Variants in TG observed in about 807,000 individuals in gnomAD.
The protein encoded by TG is thyroid hormones.
Under a neutral mutation model 324.7 loss-of-function variants are expected in TG, and 270 were observed. The observed-to-expected ratio is 0.83, with a 90% CI of 0.75 to 0.92. The LOEUF is 0.92. Ranked by LOEUF, TG falls within the 40% of genes least tolerant of loss-of-function variation. TG has a pLI of 0.00. For synonymous variants in TG, 1,401 were observed against 1,327.0 expected (o/e 1.06, Z -1.21); for missense variants, 3,591 against 3,456.4 (o/e 1.04, Z -0.98).
At position 132,992,181 on chromosome 8, in the gene TG, G is replaced by T. The variant is rs888981315; in HGVS notation, c.6262+8769G>T. Among the ~76,000 whole-genome samples, 3 of 152,170 alleles carry T rather than the reference G, an allele frequency of 2.0e-5. No homozygotes were observed. In the East Asian group the frequency reaches 5.8e-4, roughly 29 times the overall value. ...AGGCACTAAGCACTGGGGTACGGCT[G>T]TAAATGAGCAACATGAGTGTGTCAG... On this transcript the variant is annotated intron_variant, in intron 35 of 47. Coordinates refer to ENST00000220616, the MANE Select transcript of TG (RefSeq NM_003235.5).
chr8:133,027,482 G>T (rs1836208426), intron 40 of TG, among the ~76,000 whole-genome samples: 1 of 152,104 alleles, frequency 6.6e-6, no homozygotes, highest in Non-Finnish European at 1.5e-5. Context: ...GCCTGAGGAT[G>T]AGAAGAACTG....
chr8:132,967,037 CCCATCCATCCAT>C (rs57588311), intron 30 of TG, among the ~76,000 whole-genome samples: 3 of 145,972 alleles, frequency 2.1e-5, no homozygotes, highest in Non-Finnish European at 3.0e-5. Context: ...ATCCCATCCA[CCCATCCATCCAT>C]CCATCCATCC....
At chr8:132,904,284 C>T (rs1348591691) in intron 16 of TG, among the ~76,000 whole-genome samples, 4 of 152,180 alleles carry the variant, frequency 2.6e-5, no homozygotes, top group Admixed American at 6.5e-5. Flanking sequence ...CAGGTGTGAG[C>T]GAGCAGGTCT....
At position 132,869,844 on chromosome 8, in the gene TG, A is replaced by G. The variant is rs780274735; in HGVS notation, c.274+18A>G. ...TGTGGCTTGTAAGTGGGAGTGGGGG[A>G]CGTCCCTTGGAGGGACCCTGCTAGG... is the stretch of plus-strand genomic sequence containing the variant. On this transcript the variant is annotated intron_variant, in intron 3 of 47. Coordinates refer to ENST00000220616, the MANE Select transcript of TG (RefSeq NM_003235.5). The G allele has an allele frequency of 6.2e-7, 1 of 1,610,952 alleles. No homozygotes were observed. Among genetic ancestry groups the G allele is most frequent in the Non-Finnish European group, 8.5e-7 (1 of 1,177,888 alleles).
In TG at chr8:132,893,801, T is replaced by C; in HGVS notation, c.2873T>C (p.Leu958Pro). The C allele has an allele frequency of 2.5e-6, 4 of 1,613,998 alleles. No homozygotes were observed. Among genetic ancestry groups the C allele is most frequent in the Non-Finnish European group, 3.4e-6 (4 of 1,179,934 alleles). Reference sequence around the variant, plus strand: ...CGGTTCCCTCTGGGGGAGAGTTTCCTGGTGGCCAAGGGAATCCGGCTGAGG... The same window carrying C: ...CGGTTCCCTCTGGGGGAGAGTTTCCCGGTGGCCAAGGGAATCCGGCTGAGG... ...SSRFPLGESF[L>P]VAKGIRLRNE... The change falls in exon 11 of 48, where the codon CTG (leucine) becomes CCG (proline). Residue 958 changes from leucine (L) to proline (P), a missense_variant. Leu to Pro is a moderately conservative substitution (Grantham distance 98, BLOSUM62 -3). Coordinates refer to ENST00000220616, the MANE Select transcript of TG (RefSeq NM_003235.5).
chr8:132,917,245 G>A (rs1820468079), intron 20 of TG, among the ~76,000 whole-genome samples: 6 of 152,060 alleles, frequency 3.9e-5, no homozygotes, highest in Admixed American at 3.9e-4. Flanking sequence ...AGACCATCCT[G>A]TGAAGAAGCC....
rs754076397 is a variant in TG at position 133,049,919 on chromosome 8, C to T, written c.7239+19896C>T. The T allele has an allele frequency of 3.1e-6, 5 of 1,611,298 alleles. No homozygotes were observed. In the East Asian group the frequency reaches 1.1e-4, roughly 36 times the overall value. On this transcript the variant is annotated intron_variant, in intron 41 of 47. Transcript: ENST00000220616. ...GTACTCACCCATGGTAAACTCTGGCCACACATATTCCAGGGATGTAACTCT... is the reference window on the plus strand; with the variant it reads ...GTACTCACCCATGGTAAACTCTGGCTACACATATTCCAGGGATGTAACTCT...
chr8:132,969,842 A>C (rs13254863), intron 32 of TG, among the ~76,000 whole-genome samples: 40,473 of 141,424 alleles, frequency 0.29, 5,675 homozygotes, highest in Middle Eastern at 0.36. Flanking sequence ...TGAACTCAGG[A>C]GGTGGAGGTT....
intron 10 of TG, among the ~76,000 whole-genome samples, chr8:132,892,089 A>C (rs1209648593): frequency 6.6e-6 from 1 of 152,222 alleles, no homozygotes; most frequent in East Asian, 1.9e-4. Flanking sequence ...TAAGTGCATT[A>C]TCCCTGGTCG....
intron 41 of TG, among the ~76,000 whole-genome samples, chr8:133,065,805 A>T (rs780764654): frequency 1.3e-5 from 2 of 152,078 alleles, no homozygotes; most frequent in Non-Finnish European, 2.9e-5. Context: ...ATAAAAAAGT[A>T]AAATAAAAGT....
At chr8:132,895,806 C>T (rs148610086) in intron 11 of TG, among the ~76,000 whole-genome samples, 12 of 152,262 alleles carry the variant, frequency 7.9e-5, no homozygotes, top group South Asian at 2.1e-4. Flanking sequence ...AGGGAAATGT[C>T]GAGAAAGGGG....
At chr8:133,079,873 T>A (rs1845481711) in intron 41 of TG, among the ~76,000 whole-genome samples, 2 of 151,956 alleles carry the variant, frequency 1.3e-5, no homozygotes, top group African/African-American at 4.8e-5. Flanking sequence ...GATTCCCATA[T>A]CAAACCATAT....
intron 41 of TG, chr8:133,063,871 G>C (rs1006341070): frequency 6.6e-6 from 1 of 152,270 alleles, no homozygotes; most frequent in Non-Finnish European, 1.5e-5. Flanking sequence ...CAGAGAATGA[G>C]AGCTGGAGTC....
At chr8:132,935,675 A>G (rs939603884) in intron 24 of TG, 81 bp from the exon 25 acceptor site, 14 of 1,291,410 alleles carry the variant, frequency 1.1e-5, no homozygotes, top group South Asian at 7.4e-5. Context: ...GTGCCTAGCC[A>G]TGGTTAGGGT....
chr8:132,898,618 C>T (rs1422287261), intron 13 of TG, among the ~76,000 whole-genome samples, 180 bp from the exon 14 acceptor site: 1 of 152,250 alleles, frequency 6.6e-6, no homozygotes, highest in Non-Finnish European at 1.5e-5. Flanking sequence ...CCACAGTCCA[C>T]TTGACATCTC....
chr8:133,001,774 G>A, intron 35 of TG: 2 of 985,440 alleles, frequency 2.0e-6, no homozygotes, highest in Non-Finnish European at 2.4e-6. Flanking sequence ...TTATCACAGG[G>A]ATCATGAAGG....
In TG at chr8:132,972,576, G is replaced by T. The variant is rs1554541; in HGVS notation, c.6056-22G>T. ...CTCAGTTTCCTGATTGTGGTTTTTTGTTTTTTTTTTTTCCACCCCAGGAGG... is the reference window on the plus strand; with the variant it reads ...CTCAGTTTCCTGATTGTGGTTTTTTTTTTTTTTTTTTTCCACCCCAGGAGG... On this transcript the variant is annotated intron_variant, in intron 33 of 47. Coordinates refer to ENST00000220616, the MANE Select transcript of TG (RefSeq NM_003235.5). 0.56 allele frequency: 814,841 copies of T among 1,446,648 alleles called. 212,959 individuals carry two copies. The highest frequency in any genetic ancestry group is 0.69 in the African/African-American group (46,506 of 67,124). The allele number at this position is 1,446,648 out of a possible 1,614,324, so 89.6% of individuals were successfully genotyped here.
At chr8:132,919,269 T>G in intron 20 of TG, 107 bp from the exon 21 acceptor site, 5 of 1,183,656 alleles carry the variant, frequency 4.2e-6, no homozygotes, top group Non-Finnish European at 6.1e-6. Context: ...GTTAAATGAA[T>G]GAGCTCTTGA....
chr8:133,049,749 C>T, intron 41 of TG: 1 of 645,698 alleles, frequency 1.5e-6, no homozygotes, highest in Non-Finnish European at 2.8e-6. Context: ...CCCAAGGTTG[C>T]TCCTTTCCTT....
Sources: allele counts gnomAD v4.1 joint callset (sites outside exome capture counted in the v4.1 genomes callset), GRCh38; gene constraint gnomAD v4.1.1; transcripts MANE v1.5; gene names NCBI Gene and HGNC (gene_info 2026-07-23, HGNC 2026-07-21).